Variants in HAUS6 observed in about 807,000 individuals in gnomAD.
The protein encoded by HAUS6 is HAUS augmin-like complex subunit 6.
In HAUS6, 80 loss-of-function variants were observed where a neutral mutation model predicts 106.8. That is an observed-to-expected ratio of 0.75 (90% CI 0.63 to 0.90). HAUS6 has a LOEUF of 0.90. Ranked by LOEUF, HAUS6 falls within the 40% of genes least tolerant of loss-of-function variation. The pLI, the probability that HAUS6 is intolerant of heterozygous loss-of-function variation, is 0.00. For synonymous variants in HAUS6, 356 were observed against 379.1 expected, an observed-to-expected ratio of 0.94 and a Z score of 0.71; for missense variants, 1,155 against 1,118.1, an observed-to-expected ratio of 1.03 and a Z score of -0.47.
chr9:19,092,795 G>C (rs36087651), intron 4 of HAUS6, among the ~76,000 whole-genome samples: 11,717 of 149,282 alleles, frequency 0.078, 505 homozygotes, highest in East Asian at 0.11. Flanking sequence ...CATGGTGGCA[G>C]ACACCTGTAA....
At chr9:19,094,528 A>C in intron 2 of HAUS6, 133 bp from the exon 3 acceptor site, 1 of 608,046 alleles carries the variant, frequency 1.6e-6, no homozygotes, top group Non-Finnish European at 2.9e-6. Flanking sequence ...GCGGTGGCTC[A>C]CACTTTTAAT....
intron 1 of HAUS6, 66 bp from the exon 2 acceptor site, chr9:19,096,835 G>C: frequency 1.4e-6 from 1 of 713,292 alleles, no homozygotes; most frequent in Non-Finnish European, 2.3e-6. Context: ...ATCATCAAAA[G>C]CTGAGTAAGA....
chr9:19,089,186 T>C (rs1430733014), intron 5 of HAUS6, among the ~76,000 whole-genome samples: 1 of 151,650 alleles, frequency 6.6e-6, no homozygotes, highest in African/African-American at 2.4e-5. Flanking sequence ...GAGGCTGCAG[T>C]GAGCCGACAT....
At chr9:19,075,314 T>C (rs1836972234) in intron 11 of HAUS6, among the ~76,000 whole-genome samples, 1 of 152,232 alleles carries the variant, frequency 6.6e-6, no homozygotes, top group African/African-American at 2.4e-5. Flanking sequence ...ATTGTGATGA[T>C]GGTTGCACAT....
chr9:19,062,953 A>T, intron 14 of HAUS6, 55 bp downstream of exon 14: 1 of 1,306,658 alleles, frequency 7.7e-7, no homozygotes, highest in Non-Finnish European at 1.1e-6. Flanking sequence ...GACATGGGCC[A>T]CTGTGCCCAT....
At chr9:19,090,521 C>T (rs1025545096) in intron 4 of HAUS6, among the ~76,000 whole-genome samples, 2 of 152,132 alleles carry the variant, frequency 1.3e-5, no homozygotes, top group East Asian at 1.9e-4. Context: ...CCCGCCACCA[C>T]GCCCGGCTAA....
chr9:19,078,413 G>C (rs1197794531), intron 9 of HAUS6, 111 bp from the exon 10 acceptor site: 8 of 648,276 alleles, frequency 1.2e-5, no homozygotes, highest in African/African-American at 7.4e-5. Flanking sequence ...AGAAGTGAAA[G>C]TTCAATCAAT....
chr9:19,099,116 G>T (rs1336730315), intron 1 of HAUS6, among the ~76,000 whole-genome samples: 1 of 149,786 alleles, frequency 6.7e-6, no homozygotes, highest in Non-Finnish European at 1.5e-5. Context: ...GAACGTATAC[G>T]TATAAAATGT....
rs547017042 is a variant in HAUS6, at chr9:19,084,504, T to C, written c.700-1461A>G. Reference sequence around the variant, plus strand: ...ACTTATGAGTTACACATTTCTTGTATATATGTTATGCATTAACAGAATTTA... The same window carrying C: ...ACTTATGAGTTACACATTTCTTGTACATATGTTATGCATTAACAGAATTTA... On this transcript the variant is annotated intron_variant, in intron 7 of 16. Transcript: ENST00000380502. Among the ~76,000 whole-genome samples the C allele has an allele frequency of 1.8e-3, 275 of 152,314 alleles. 1 individual carries two copies. Among genetic ancestry groups the C allele is most frequent in the African/African-American group, 6.3e-3 (260 of 41,572 alleles).
intron 4 of HAUS6, 33 bp from the exon 5 acceptor site, chr9:19,089,592 A>C: frequency 6.4e-7 from 1 of 1,565,026 alleles, no homozygotes; most frequent in African/African-American, 1.4e-5. Context: ...TATAGAAAAC[A>C]GGCTGGTCTG....
At chr9:19,086,620 C>CAAAAAAA (rs372363190) in intron 7 of HAUS6, 114 bp downstream of exon 7, 2 of 370,018 alleles carry the variant, frequency 5.4e-6, no homozygotes, top group Non-Finnish European at 9.4e-6. Flanking sequence ...ACTCCAACTC[C>CAAAAAAA]AAAAAAAAAA....
intron 11 of HAUS6, among the ~76,000 whole-genome samples, chr9:19,075,716 G>A (rs909800530): frequency 6.6e-6 from 1 of 152,180 alleles, no homozygotes; most frequent in African/African-American, 2.4e-5. Flanking sequence ...CACTTTGGGA[G>A]GCCAAGGCGG....
rs7031392 is a variant in HAUS6, at chr9:19,053,249, T to G, written c.*3094A>C. On this transcript the variant is annotated 3_prime_UTR_variant, in exon 17 of 17. Transcript: ENST00000380502. Reference sequence around the variant, plus strand: ...TTAGGATGCAGACTGCTATTCACAATGCATAAAGAAAAAGGTGATCTCTAG... The same window carrying G: ...TTAGGATGCAGACTGCTATTCACAAGGCATAAAGAAAAAGGTGATCTCTAG... 1 of 152,064 alleles carries G rather than the reference T, an allele frequency of 6.6e-6. No individual in the cohort carries two copies. Among genetic ancestry groups the G allele is most frequent in the Non-Finnish European group, 1.5e-5 (1 of 67,970 alleles). 9.4% of individuals were successfully genotyped at this position (152,064 alleles called of 1,614,324 possible).
At chr9:19,096,566 A>G in intron 2 of HAUS6, 108 bp downstream of exon 2, 1 of 69,680 alleles carries the variant, frequency 1.4e-5, no homozygotes, top group South Asian at 2.2e-4. Context: ...CTCCGTCTCA[A>G]AAAAAAAAAA....
intron 14 of HAUS6, among the ~76,000 whole-genome samples, chr9:19,062,664 T>A (rs189654119): frequency 6.6e-6 from 1 of 152,248 alleles, no homozygotes; most frequent in East Asian, 1.9e-4. Flanking sequence ...AATATTTGTT[T>A]TTGATTTTGT....
chr9:19,067,439 A>C (rs2131110587), intron 12 of HAUS6, among the ~76,000 whole-genome samples: 1 of 152,266 alleles, frequency 6.6e-6, no homozygotes, highest in Middle Eastern at 3.4e-3. Context: ...ATATCCCATT[A>C]ACCATTTATC....
At chr9:19,068,026 G>A (rs1183693224) in intron 12 of HAUS6, among the ~76,000 whole-genome samples, 1 of 151,592 alleles carries the variant, frequency 6.6e-6, no homozygotes, top group African/African-American at 2.4e-5. Flanking sequence ...GAGGTTTAAT[G>A]GGGTTCATGA....
chr9:19,068,117 T>C (rs1234396226), intron 12 of HAUS6, among the ~76,000 whole-genome samples: 2 of 152,028 alleles, frequency 1.3e-5, no homozygotes, highest in East Asian at 3.8e-4. Context: ...ATATTTAGTT[T>C]GCTCCCTCAA....
At chr9:19,097,470 A>G (rs1237314607) in intron 1 of HAUS6, among the ~76,000 whole-genome samples, 1 of 152,164 alleles carries the variant, frequency 6.6e-6, no homozygotes, top group African/African-American at 2.4e-5. Context: ...AAAAGAAGAC[A>G]TTTATGCAGC....
Sources: allele counts gnomAD v4.1 joint callset (sites outside exome capture counted in the v4.1 genomes callset), GRCh38; gene constraint gnomAD v4.1.1; transcripts MANE v1.5; gene names NCBI Gene and HGNC (gene_info 2026-07-23, HGNC 2026-07-21).